The following ACP3 variants were observed in gnomAD, a reference collection of about 807,000 sequenced individuals.
ACP3 encodes acid phosphatase 3, also known as prostatic acid phosphatase.
ACP3 carries 38 observed loss-of-function variants against 45.6 expected under a neutral mutation model. That is an observed-to-expected ratio of 0.83 (90% CI 0.64 to 1.09). The LOEUF (loss-of-function observed/expected upper bound fraction) is 1.09. ACP3 is among the 50% of genes least tolerant of loss of function. The pLI is 0.00. For missense variants in ACP3, 466 were observed against 463.2 expected (o/e 1.01, Z -0.05); for synonymous variants, 162 against 164.7 (o/e 0.98, Z 0.13).
intron 1 of ACP3, among the ~76,000 whole-genome samples, chr3:132,324,636 T>A (rs1298747688): frequency 6.6e-6 from 1 of 152,162 alleles, no homozygotes; most frequent in Non-Finnish European, 1.5e-5. Flanking sequence ...AATTATTATT[T>A]TTTTTTATTT....
intron 1 of ACP3, among the ~76,000 whole-genome samples, chr3:132,323,874 C>T (rs961616970): frequency 1.3e-5 from 2 of 152,070 alleles, no homozygotes; most frequent in Non-Finnish European, 2.9e-5. Context: ...CAAGACTAGC[C>T]ACATACAAGT....
intron 7 of ACP3, among the ~76,000 whole-genome samples, chr3:132,348,256 A>G (rs1035125686): frequency 6.6e-6 from 1 of 152,204 alleles, no homozygotes; most frequent in Non-Finnish European, 1.5e-5. Context: ...AATAAAGGAT[A>G]CAACAGATAA....
At chr3:132,365,832 C>CA (rs1321443338) in intron 10 of ACP3, among the ~76,000 whole-genome samples, 30 of 150,786 alleles carry the variant, frequency 2.0e-4, no homozygotes, top group African/African-American at 2.9e-4. Flanking sequence ...ACTAAAAATA[C>CA]AAAAAAAAAT....
intron 4 of ACP3, among the ~76,000 whole-genome samples, chr3:132,333,864 AGT>A (rs1248246706): frequency 6.6e-6 from 1 of 152,192 alleles, no homozygotes; most frequent in Admixed American, 6.5e-5. Flanking sequence ...TGAGGTCAGG[AGT>A]TCGAGACCAG....
At chr3:132,367,649 T>C in intron 10 of ACP3, 1 of 1,359,146 alleles carries the variant, frequency 7.4e-7, no homozygotes. Flanking sequence ...CATGTGATCT[T>C]CCTATTTTCC....
Position 132,358,827 on chromosome 3 carries a change from A to G in ACP3, c.*1949A>G. ...TGTTTAATTAGAATAAAATTCCTCT[A>G]GGCAGATTTCAGGAGCTCCCTTTGT... is the stretch of plus-strand genomic sequence containing the variant. On this transcript the variant is annotated 3_prime_UTR_variant, in exon 10 of 10. Transcript: ENST00000336375. 1.0e-6 allele frequency: 1 copy of G among 985,372 alleles called. No homozygotes were observed. The highest frequency in any genetic ancestry group is 1.2e-6 in the Non-Finnish European group (1 of 829,824). The allele number at this position is 985,372 out of a possible 1,614,324, so 61.0% of individuals were successfully genotyped here.
At chr3:132,358,878 C>T (rs527818322), downstream of ACP3, 1 of 983,616 alleles carries the variant, frequency 1.0e-6, no homozygotes, top group East Asian at 1.1e-4. Flanking sequence ...TTTAGTATAA[C>T]AAGATGGAAA....
intron 8 of ACP3, 106 bp from the exon 9 acceptor site, chr3:132,352,614 A>G: frequency 1.3e-6 from 1 of 764,870 alleles, no homozygotes; most frequent in South Asian, 1.6e-5. Flanking sequence ...TTGTGGGCGT[A>G]TGGGAAATTT....
chr3:132,337,627 A>G (rs1576416159), intron 5 of ACP3, 73 bp downstream of exon 5: 3 of 936,836 alleles, frequency 3.2e-6, no homozygotes, highest in Admixed American at 2.2e-5. Context: ...CCAAGACACA[A>G]GATGAAGCTT....
At chr3:132,326,458 CA>C (rs546032031) in intron 1 of ACP3, among the ~76,000 whole-genome samples, 1 of 152,172 alleles carries the variant, frequency 6.6e-6, no homozygotes, top group Non-Finnish European at 1.5e-5. Flanking sequence ...CAGGTGCTCA[CA>C]AAAAAATATG....
chr3:132,358,256 C>A lies in ACP3; in HGVS notation c.*1378C>A. On this transcript the variant is annotated 3_prime_UTR_variant, in exon 10 of 10. Coordinates refer to ENST00000336375, the MANE Select transcript of ACP3 (RefSeq NM_001099.5). ...AAAAAAGGAAGGAAGGGACACATATCAAACTGAAACAAAATTAGAAATGTA... is the reference window on the plus strand; with the variant it reads ...AAAAAAGGAAGGAAGGGACACATATAAAACTGAAACAAAATTAGAAATGTA... 8.9e-7 allele frequency: 1 copy of A among 1,121,564 alleles called. No individual in the cohort carries two copies. Among genetic ancestry groups the A allele is most frequent in the Non-Finnish European group, 1.1e-6 (1 of 904,082 alleles). 69.5% of individuals were successfully genotyped at this position (1,121,564 alleles called of 1,614,324 possible). A position where few individuals can be genotyped will look rare whatever the true frequency, so the allele number is the denominator to read the frequency against.
At chr3:132,345,573 T>C (rs534331024) in intron 7 of ACP3, among the ~76,000 whole-genome samples, 1 of 152,364 alleles carries the variant, frequency 6.6e-6, no homozygotes, top group African/African-American at 2.4e-5. Context: ...TTCAGGCTAA[T>C]TGTTATATTT....
Position 132,356,748 on chromosome 3 carries a change from T to C in ACP3, c.1031T>C (p.Leu344Pro). 3 of 1,614,186 alleles carry C rather than the reference T, an allele frequency of 1.9e-6. No homozygotes were observed. Among genetic ancestry groups the C allele is most frequent in the Non-Finnish European group, 2.5e-6 (3 of 1,180,034 alleles). Residue 344 changes from leucine (L) to proline (P), a missense_variant, in exon 10 of 10, where the codon CTA (leucine) becomes CCA (proline). Transcript: ENST00000336375. ...CAGCACGAGCCGTATCCCCTCATGC[T>C]ACCTGGCTGCAGCCCCAGCTGTCCT... ...ETQHEPYPLM[L>P]PGCSPSCPLE...
At chr3:132,334,051 A>G (rs79856620) in intron 4 of ACP3, among the ~76,000 whole-genome samples, 1 of 152,202 alleles carries the variant, frequency 6.6e-6, no homozygotes, top group Non-Finnish European at 1.5e-5. Context: ...AGCTTGGGCA[A>G]CAAGAGCGAA....
intron 10 of ACP3, among the ~76,000 whole-genome samples, chr3:132,366,954 G>A (rs947716072): frequency 6.6e-6 from 1 of 152,092 alleles, no homozygotes; most frequent in African/African-American, 2.4e-5. Context: ...AGAGCTGATG[G>A]GATCAGAGGG....
chr3:132,326,825 C>A (rs1206541231), intron 1 of ACP3, among the ~76,000 whole-genome samples: 2 of 152,138 alleles, frequency 1.3e-5, no homozygotes, highest in Non-Finnish European at 2.9e-5. Context: ...GTGCGGGTAA[C>A]CTCAGATAAA....
chr3:132,331,731 C>A lies in ACP3; in HGVS notation c.301C>A (p.Gln101Lys). Residue 101 changes from glutamine (Q) to lysine (K), a missense_variant and splice_region_variant, in exon 3 of 10, where the codon CAG becomes AAG. Coordinates refer to ENST00000336375, the MANE Select transcript of ACP3 (RefSeq NM_001099.5). ...KFLNESYKHE[Q>K]VYIRSTDVDR... The stretch of plus-strand genomic sequence containing the variant: ...CTTGAATGAGTCCTATAAACATGAA[C>A]AGGCAAGTTGGGGAGCCAAGAGTGG... The A allele has an allele frequency of 6.2e-7, 1 of 1,601,326 alleles. No individual in the cohort carries two copies. The highest frequency in any genetic ancestry group is 1.7e-4 in the Middle Eastern group (1 of 6,032).
Position 132,357,582 on chromosome 3 carries a change from T to C in ACP3, c.*704T>C, listed in dbSNP as rs1223757248. ...AAAAATCAAACTTTACAGAAAGATT[T>C]GATGTATGTAATACATATAGCAGCT... is the stretch of plus-strand genomic sequence containing the variant. On this transcript the variant is annotated 3_prime_UTR_variant, in exon 10 of 10. Coordinates refer to ENST00000336375, the MANE Select transcript of ACP3 (RefSeq NM_001099.5). 1 of 984,264 alleles carries C rather than the reference T, an allele frequency of 1.0e-6. No individual in the cohort carries two copies. The highest frequency in any genetic ancestry group is 1.7e-5 in the African/African-American group (1 of 57,238). 61.0% of individuals were successfully genotyped at this position (984,264 alleles called of 1,614,324 possible).
intron 4 of ACP3, among the ~76,000 whole-genome samples, chr3:132,335,017 C>T (rs1295938002): frequency 1.3e-5 from 2 of 151,800 alleles, no homozygotes; most frequent in Non-Finnish European, 2.9e-5. Flanking sequence ...ACAGATGTCT[C>T]GGTGATTATT....
Sources: gnomAD v4.1 joint callset for allele counts (sites outside exome capture counted in the v4.1 genomes callset) on GRCh38, gnomAD v4.1.1 for gene constraint, MANE v1.5 for transcripts, NCBI Gene and HGNC (gene_info 2026-07-23, HGNC 2026-07-21) for gene names.